MYL1: variants seen among roughly 807,000 people sequenced by gnomAD.
The protein encoded by MYL1 is myosin light chain 1/3, skeletal muscle isoform.
A neutral mutation model predicts 21.8 loss-of-function variants in MYL1; 16 were observed. That is an observed-to-expected ratio of 0.74 (90% confidence interval 0.50 to 1.12). The LOEUF is 1.12. MYL1 is among the 50% of genes most tolerant of loss of function. The pLI is 0.00. For missense variants in MYL1, 246 were observed against 241.0 expected, an observed-to-expected ratio of 1.02 and a Z score of -0.14; for synonymous variants, 99 against 85.2, an observed-to-expected ratio of 1.16 and a Z score of -0.89.
intron 3 of MYL1, among the ~76,000 whole-genome samples, chr2:210,297,418 T>C (rs1356804314): frequency 2.0e-5 from 3 of 152,112 alleles, no homozygotes; most frequent in Non-Finnish European, 4.4e-5. Flanking sequence ...TAATTAGTGA[T>C]ATTGAGCATT....
In MYL1 at chr2:210,303,457, T is replaced by TC. The variant is rs35179660; in HGVS notation, c.133-943_133-942insG. On this transcript the variant is annotated intron_variant, in intron 1 of 6. Transcript: ENST00000352451. ...GAATATGTTCTCTCCTCAGTTCCAT[T>TC]TTTGCCTATCTTTCTTCTCAATAAG... 0.38 allele frequency: 508,036 copies of TC among 1,336,116 alleles called. 100,904 individuals carry two copies. Among genetic ancestry groups the TC allele is most frequent in the Admixed American group, 0.54 (27,707 of 51,012 alleles). 82.8% of individuals were successfully genotyped at this position (1,336,116 alleles called of 1,614,324 possible).
At chr2:210,293,826 G>C (rs376714534) in intron 4 of MYL1, 26 bp from the exon 5 acceptor site, 8 of 1,605,102 alleles carry the variant, frequency 5.0e-6, no homozygotes, top group Non-Finnish European at 6.8e-6. Flanking sequence ...TCTCCTTTCA[G>C]AAAGAAGGCC....
At chr2:210,301,363 G>A (rs763142518) in intron 2 of MYL1, among the ~76,000 whole-genome samples, 1 of 152,076 alleles carries the variant, frequency 6.6e-6, no homozygotes, top group Non-Finnish European at 1.5e-5. Flanking sequence ...CTGTACTACA[G>A]TAAATATCCC....
At chr2:210,297,986 A>G (rs926854856) in intron 3 of MYL1, among the ~76,000 whole-genome samples, 3 of 152,148 alleles carry the variant, frequency 2.0e-5, no homozygotes, top group African/African-American at 4.8e-5. Context: ...CATATTTAAC[A>G]TCTTTGCCAA....
intron 2 of MYL1, among the ~76,000 whole-genome samples, chr2:210,299,318 A>G (rs1211850756): frequency 3.3e-5 from 5 of 152,198 alleles, no homozygotes; most frequent in African/African-American, 9.6e-5. Context: ...AGAAAATTGT[A>G]GATTCACATG....
intron 5 of MYL1, 46 bp from the exon 6 acceptor site, chr2:210,291,120 C>G (rs368903507): frequency 6.7e-7 from 1 of 1,497,618 alleles, no homozygotes; most frequent in African/African-American, 1.4e-5. Context: ...AGTTAGGAAA[C>G]AGTCAAATTT....
intron 5 of MYL1, among the ~76,000 whole-genome samples, chr2:210,291,612 A>T (rs901371629): frequency 6.6e-6 from 1 of 152,160 alleles, no homozygotes; most frequent in Non-Finnish European, 1.5e-5. Context: ...TACTCTATAC[A>T]TTGTTTTGTA....
At chr2:210,305,326 C>G (rs1173475855) in intron 1 of MYL1, among the ~76,000 whole-genome samples, 1 of 151,854 alleles carries the variant, frequency 6.6e-6, no homozygotes. Context: ...AATAGCTTGA[C>G]ATTTTGAAAG....
intron 1 of MYL1, among the ~76,000 whole-genome samples, chr2:210,309,925 GA>G (rs1481537565): frequency 2.0e-5 from 3 of 151,946 alleles, no homozygotes; most frequent in Non-Finnish European, 4.4e-5. Context: ...TCCTTTCAAA[GA>G]CATTATCCAT....
chr2:210,314,917 G>T lies in MYL1; in HGVS notation c.126C>A (p.Ala42=). The T allele has an allele frequency of 6.2e-7, 1 of 1,613,868 alleles. No homozygotes were observed. Among genetic ancestry groups the T allele is most frequent in the Non-Finnish European group, 8.5e-7 (1 of 1,179,830 alleles). Residue 42 remains alanine (A), a synonymous_variant, in exon 1 of 7, where the codon GCC becomes GCA. Transcript: ENST00000352451. ...KPKEEKIDLS[A]IKIEFSKEQQ... is the part of the protein sequence containing the mutation. ...AGTTCATCCATTTAGTTACCTTAAT[G>T]GCAGAGAGGTCAATTTTTTCTTCTT... is the stretch of plus-strand genomic sequence containing the variant.
At chr2:210,312,684 T>A (rs1339781847) in intron 1 of MYL1, among the ~76,000 whole-genome samples, 1 of 151,948 alleles carries the variant, frequency 6.6e-6, no homozygotes, top group African/African-American at 2.4e-5. Flanking sequence ...TTTCTCTTTT[T>A]TTTCTCTGTT....
chr2:210,293,587 T>C (rs1289930511), intron 5 of MYL1, 136 bp downstream of exon 5: 1 of 697,906 alleles, frequency 1.4e-6, no homozygotes, highest in Non-Finnish European at 2.5e-6. Context: ...GATCCTCACA[T>C]ATCTTTTTAG....
chr2:210,304,327 T>C (rs574988182), intron 1 of MYL1, among the ~76,000 whole-genome samples: 1 of 152,316 alleles, frequency 6.6e-6, no homozygotes, highest in South Asian at 2.1e-4. Context: ...ATTTTTTTTA[T>C]TTTCAGAAGT....
chr2:210,304,917 G>C (rs1181474793), intron 1 of MYL1, among the ~76,000 whole-genome samples: 1 of 152,262 alleles, frequency 6.6e-6, no homozygotes, highest in African/African-American at 2.4e-5. Context: ...AAAATAGCGG[G>C]CAACTCCCTT....
At chr2:210,301,051 C>A (rs773114678) in intron 2 of MYL1, among the ~76,000 whole-genome samples, 35 of 152,108 alleles carry the variant, frequency 2.3e-4, no homozygotes, top group Non-Finnish European at 4.7e-4. Flanking sequence ...TAATGCTCAA[C>A]GTTAAATCAT....
At chr2:210,303,787 C>T (rs552291437) in intron 1 of MYL1, among the ~76,000 whole-genome samples, 1 of 152,274 alleles carries the variant, frequency 6.6e-6, no homozygotes, top group South Asian at 2.1e-4. Context: ...TGACCAGAAC[C>T]TTGGAGTAGA....
intron 3 of MYL1, 45 bp from the exon 4 acceptor site, chr2:210,294,463 T>A: frequency 6.5e-7 from 1 of 1,529,642 alleles, no homozygotes. Context: ...ACCATAATAC[T>A]AACTCTGAGT....
chr2:210,297,000 TG>T (rs1690183217), intron 3 of MYL1, among the ~76,000 whole-genome samples: 1 of 139,702 alleles, frequency 7.2e-6, no homozygotes, highest in Non-Finnish European at 1.5e-5. Context: ...ATTGTGTGTG[TG>T]TGTGTGTGTG....
intron 5 of MYL1, among the ~76,000 whole-genome samples, chr2:210,293,352 T>C (rs969235974): frequency 6.6e-6 from 1 of 152,180 alleles, no homozygotes; most frequent in Non-Finnish European, 1.5e-5. Context: ...ACTAAACCTA[T>C]TTGGCCCGAA....
Sources: gnomAD v4.1 joint callset for allele counts (sites outside exome capture counted in the v4.1 genomes callset) on GRCh38, gnomAD v4.1.1 for gene constraint, MANE v1.5 for transcripts, NCBI Gene and HGNC (gene_info 2026-07-23, HGNC 2026-07-21) for gene names.